Variants in AFF2 observed in about 807,000 individuals in gnomAD.
AFF2 encodes AF4/FMR2 family member 2.
A neutral mutation model predicts 76.9 loss-of-function variants in AFF2; 14 were observed. That is an observed-to-expected ratio of 0.18 (90% CI 0.12 to 0.28). AFF2 has a LOEUF of 0.28. Ranked by LOEUF, AFF2 falls within the 10% of genes least tolerant of loss-of-function variation. AFF2 has a pLI of 1.00. For synonymous variants in AFF2, 398 were observed against 366.7 expected (o/e 1.09, Z -0.98); for missense variants, 868 against 1,001.1 (o/e 0.87, Z 1.79).
At chrX:148,584,703 A>AT (rs1489580267) in intron 1 of AFF2, among the ~76,000 whole-genome samples, 6 of 108,810 alleles carry the variant, frequency 5.5e-5, no homozygotes, top group Non-Finnish European at 9.6e-5. Flanking sequence ...CTACGAGCAC[A>AT]TTTTTTGTAT....
At chrX:148,585,769 A>C (rs1268841655) in intron 1 of AFF2, among the ~76,000 whole-genome samples, 2 of 107,151 alleles carry the variant, frequency 1.9e-5, no homozygotes, top group Non-Finnish European at 3.9e-5. Flanking sequence ...TGAACCCGGC[A>C]AGTGGAGCTT....
chrX:148,581,460 G>A (rs782725113), intron 1 of AFF2, among the ~76,000 whole-genome samples: 1 of 85,257 alleles, frequency 1.2e-5, no homozygotes, highest in Non-Finnish European at 2.3e-5. Context: ...ATACGTCTAC[G>A]TGTACACACA....
intron 1 of AFF2, among the ~76,000 whole-genome samples, chrX:148,626,480 G>A (rs782757559): frequency 9.0e-6 from 1 of 110,988 alleles, no homozygotes; most frequent in African/African-American, 3.3e-5. Flanking sequence ...TGAGATGAAA[G>A]GGGGTGCATT....
chrX:148,916,902 T>C (rs1371154036), intron 9 of AFF2, among the ~76,000 whole-genome samples: 1 of 112,238 alleles, frequency 8.9e-6, no homozygotes, highest in Non-Finnish European at 1.9e-5. Context: ...AAATAGTAGC[T>C]ATCATATAAC....
chrX:148,581,072 C>CACATATGTGTATATATGTATATAT (rs1569551592), intron 1 of AFF2, among the ~76,000 whole-genome samples: 2 of 62,605 alleles, frequency 3.2e-5, no homozygotes, highest in East Asian at 4.0e-4. Context: ...TGTATATATA[C>CACATATGTGTATATATGTATATAT]ACACATATAT....
intron 7 of AFF2, among the ~76,000 whole-genome samples, chrX:148,884,379 G>T (rs529268827): frequency 8.9e-6 from 1 of 111,969 alleles, no homozygotes; most frequent in Non-Finnish European, 1.9e-5. Context: ...GCTTTTTTTG[G>T]AGAGTTATTG....
At chrX:148,767,429 A>G (rs2069532579) in intron 3 of AFF2, among the ~76,000 whole-genome samples, 1 of 111,700 alleles carries the variant, frequency 9.0e-6, no homozygotes, top group African/African-American at 3.3e-5. Flanking sequence ...TAAAACGCAA[A>G]CAAAGCATTT....
intron 9 of AFF2, among the ~76,000 whole-genome samples, chrX:148,916,196 CTTTTTTTTTTTTTTTTT>C (rs782508166): frequency 5.9e-5 from 2 of 34,032 alleles, no homozygotes; most frequent in Non-Finnish European, 9.5e-5. Context: ...GTGGTTTTAA[CTTTTTTTTTTTTTTTTT>C]TTTTTTTTTT....
chrX:148,611,495 G>C (rs968498295), intron 1 of AFF2, among the ~76,000 whole-genome samples: 4 of 111,579 alleles, frequency 3.6e-5, no homozygotes, highest in Admixed American at 9.5e-5. Flanking sequence ...ATCTAAAATG[G>C]GTTAGCAGGG....
At chrX:148,921,464 A>T (rs1191661288) in intron 9 of AFF2, among the ~76,000 whole-genome samples, 1 of 112,151 alleles carries the variant, frequency 8.9e-6, no homozygotes, top group Non-Finnish European at 1.9e-5. Flanking sequence ...GTCTCTATGG[A>T]TTCACTTATT....
chrX:148,680,167 G>A (rs782040822), intron 3 of AFF2, among the ~76,000 whole-genome samples: 54 of 111,391 alleles, frequency 4.8e-4, no homozygotes, highest in African/African-American at 1.6e-3. Context: ...CTTTACAGGG[G>A]GATCCAAAAA....
intron 3 of AFF2, among the ~76,000 whole-genome samples, chrX:148,751,213 A>G (rs1201627030): frequency 2.7e-5 from 3 of 112,529 alleles, no homozygotes; most frequent in Non-Finnish European, 3.7e-5. Flanking sequence ...TGCTAGTATC[A>G]CCAACATTTT....
intron 3 of AFF2, among the ~76,000 whole-genome samples, chrX:148,756,901 C>A (rs148759024): frequency 3.1e-3 from 343 of 112,144 alleles, no homozygotes; most frequent in African/African-American, 0.01. Context: ...GACCTGTTGA[C>A]CCCTGGTCAG....
intron 7 of AFF2, among the ~76,000 whole-genome samples, chrX:148,846,181 A>C (rs185209112): frequency 8.8e-4 from 99 of 111,961 alleles, no homozygotes; most frequent in Middle Eastern, 4.6e-3. Flanking sequence ...GTGCATTGGC[A>C]TACAGTGCTT....
At chrX:148,808,651 T>G (rs781902581) in intron 3 of AFF2, among the ~76,000 whole-genome samples, 1 of 112,000 alleles carries the variant, frequency 8.9e-6, no homozygotes, top group Non-Finnish European at 1.9e-5. Flanking sequence ...TAGCCCTTCA[T>G]TATTGGTGAC....
At chrX:148,622,418 C>A (rs782489284) in intron 1 of AFF2, among the ~76,000 whole-genome samples, 1 of 111,844 alleles carries the variant, frequency 8.9e-6, no homozygotes, top group East Asian at 2.9e-4. Flanking sequence ...GAAACCTTAG[C>A]CCTTGCTTGT....
chrX:148,863,484 T>C (rs2070872687), intron 7 of AFF2, among the ~76,000 whole-genome samples: 1 of 111,960 alleles, frequency 8.9e-6, no homozygotes, highest in African/African-American at 3.2e-5. Context: ...ATTTAATGTT[T>C]GCAAAATCTG....
chrX:148,967,970 T>C (rs188554562), intron 15 of AFF2, among the ~76,000 whole-genome samples: 1 of 111,867 alleles, frequency 8.9e-6, no homozygotes, highest in African/African-American at 3.2e-5. Flanking sequence ...TGTCATTACC[T>C]TTCAAGTGAT....
intron 1 of AFF2, among the ~76,000 whole-genome samples, chrX:148,613,560 G>C (rs1337186478): frequency 9.0e-6 from 1 of 111,262 alleles, no homozygotes; most frequent in African/African-American, 3.3e-5. Flanking sequence ...TCAATAATGG[G>C]GTGGCCTTCA....
Sources: allele counts gnomAD v4.1 joint callset (sites outside exome capture counted in the v4.1 genomes callset), GRCh38; gene constraint gnomAD v4.1.1; transcripts MANE v1.5; gene names NCBI Gene and HGNC (gene_info 2026-07-23, HGNC 2026-07-21).